CCSER1: variants seen among roughly 807,000 people sequenced by gnomAD.
The protein encoded by CCSER1 is coiled-coil serine rich protein 1.
In CCSER1, 41 loss-of-function variants were observed where a neutral mutation model predicts 82.0. The observed-to-expected ratio is 0.50, with a 90% CI of 0.39 to 0.65. The LOEUF (loss-of-function observed/expected upper bound fraction) is 0.65. Ranked by LOEUF, CCSER1 falls within the 30% of genes least tolerant of loss-of-function variation. The probability of loss-of-function intolerance (pLI) is 0.00; values close to 1 mark genes in which losing one functional copy is unlikely to be tolerated. For missense variants in CCSER1, 1,119 were observed against 1,064.2 expected (o/e 1.05, Z -0.72); for synonymous variants, 414 against 383.9 (o/e 1.08, Z -0.92).
intron 9 of CCSER1, among the ~76,000 whole-genome samples, chr4:91,016,103 A>G (rs890874500): frequency 1.3e-5 from 2 of 152,038 alleles, no homozygotes; most frequent in African/African-American, 2.4e-5. Flanking sequence ...AACACTAGGA[A>G]ATGTTTATAA....
At chr4:90,437,276 C>CGT (rs1340252791) in intron 4 of CCSER1, among the ~76,000 whole-genome samples, 5 of 147,894 alleles carry the variant, frequency 3.4e-5, no homozygotes, top group African/African-American at 1.3e-4. Context: ...CACATGCGCG[C>CGT]GCACACACAC....
chr4:91,216,905 G>A (rs936704521), intron 10 of CCSER1, among the ~76,000 whole-genome samples: 2 of 152,148 alleles, frequency 1.3e-5, no homozygotes, highest in Admixed American at 6.5e-5. Flanking sequence ...GAAAGGGAGG[G>A]AGAAGGAAAT....
chr4:91,430,947 G>T (rs949580917), intron 10 of CCSER1, among the ~76,000 whole-genome samples: 1 of 152,110 alleles, frequency 6.6e-6, no homozygotes, highest in Non-Finnish European at 1.5e-5. Flanking sequence ...TAAAAATTTG[G>T]CTAGCTTGGC....
intron 10 of CCSER1, among the ~76,000 whole-genome samples, chr4:91,244,656 C>A (rs1272645735): frequency 1.3e-5 from 2 of 152,160 alleles, no homozygotes; most frequent in Non-Finnish European, 2.9e-5. Flanking sequence ...TCCTGGAAAG[C>A]CTTCCCAAGG....
chr4:91,572,921 G>A (rs1020473912), intron 10 of CCSER1, among the ~76,000 whole-genome samples: 15 of 152,132 alleles, frequency 9.9e-5, no homozygotes, highest in African/African-American at 3.6e-4. Flanking sequence ...CTAGAGGCTG[G>A]ATCAGCTAAG....
chr4:91,569,761 G>A (rs1039243775), intron 10 of CCSER1, among the ~76,000 whole-genome samples: 5 of 152,086 alleles, frequency 3.3e-5, no homozygotes, highest in African/African-American at 9.7e-5. Context: ...ATGAGATGTT[G>A]GCTGGAACAC....
At chr4:91,169,642 G>T (rs1732546168) in intron 10 of CCSER1, among the ~76,000 whole-genome samples, 1 of 151,824 alleles carries the variant, frequency 6.6e-6, no homozygotes, top group South Asian at 2.1e-4. Context: ...AAGTAAACTT[G>T]TATTTAAATA....
intron 10 of CCSER1, among the ~76,000 whole-genome samples, chr4:91,421,430 G>T (rs1313919108): frequency 6.6e-6 from 1 of 152,166 alleles, no homozygotes; most frequent in Non-Finnish European, 1.5e-5. Flanking sequence ...GCCAGAGTAT[G>T]TGTAACTCTG....
chr4:90,547,769 C>A (rs115888358), intron 5 of CCSER1, among the ~76,000 whole-genome samples: 1,764 of 152,144 alleles, frequency 0.012, 31 homozygotes, highest in African/African-American at 0.04. Context: ...GGATGACTTG[C>A]TAGACATAAG....
chr4:90,343,328 C>G (rs763651698), intron 3 of CCSER1, among the ~76,000 whole-genome samples: 3 of 152,144 alleles, frequency 2.0e-5, no homozygotes, highest in Non-Finnish European at 2.9e-5. Context: ...TATTTATCAC[C>G]TAGGTGATTG....
chr4:90,350,324 T>C (rs1420549349), intron 3 of CCSER1, among the ~76,000 whole-genome samples: 2 of 152,094 alleles, frequency 1.3e-5, no homozygotes, highest in African/African-American at 4.8e-5. Flanking sequence ...TTTGGAATCC[T>C]GGCAATGCTC....
intron 3 of CCSER1, among the ~76,000 whole-genome samples, chr4:90,356,067 TA>T (rs1299633428): frequency 1.3e-5 from 2 of 151,912 alleles, no homozygotes; most frequent in African/African-American, 4.8e-5. Flanking sequence ...TGTATCTTTA[TA>T]AAAGTATGTA....
At chr4:90,301,810 T>A (rs1263704127) in intron 1 of CCSER1, among the ~76,000 whole-genome samples, 1 of 152,018 alleles carries the variant, frequency 6.6e-6, no homozygotes, top group African/African-American at 2.4e-5. Context: ...TGCTAAGGGA[T>A]TAAAGGTAAC....
chr4:90,597,299 A>G (rs1406762440), intron 5 of CCSER1, among the ~76,000 whole-genome samples: 1 of 152,038 alleles, frequency 6.6e-6, no homozygotes. Context: ...ACTAATTGGT[A>G]TTATGAGTTC....
intron 1 of CCSER1, among the ~76,000 whole-genome samples, chr4:90,150,779 T>G (rs1726695100): frequency 1.3e-5 from 2 of 152,140 alleles, no homozygotes; most frequent in South Asian, 4.1e-4. Context: ...TTTGAAGCTG[T>G]GCACTGGGTT....
At chr4:91,024,122 T>G (rs1379661136) in intron 9 of CCSER1, among the ~76,000 whole-genome samples, 1 of 152,098 alleles carries the variant, frequency 6.6e-6, no homozygotes, top group Non-Finnish European at 1.5e-5. Context: ...TGATAACCCA[T>G]TAATCCATTC....
intron 1 of CCSER1, among the ~76,000 whole-genome samples, chr4:90,196,656 T>TACACACAC (rs34346681): frequency 0.051 from 7,264 of 143,814 alleles, 202 homozygotes; most frequent in African/African-American, 0.081. Flanking sequence ...CCTGCTCAGA[T>TACACACAC]ACACACACAC....
At chr4:91,423,422 C>T (rs927486386) in intron 10 of CCSER1, among the ~76,000 whole-genome samples, 1 of 151,160 alleles carries the variant, frequency 6.6e-6, no homozygotes, top group Non-Finnish European at 1.5e-5. Flanking sequence ...AAGTGTGAAA[C>T]TCCGTCTAAA....
At chr4:91,028,165 T>C (rs1335355026) in intron 9 of CCSER1, among the ~76,000 whole-genome samples, 1 of 152,050 alleles carries the variant, frequency 6.6e-6, no homozygotes, top group Admixed American at 6.6e-5. Context: ...TTTATGTACA[T>C]ATAAAAATAT....
Sources: allele counts gnomAD v4.1 joint callset (sites outside exome capture counted in the v4.1 genomes callset), GRCh38; gene constraint gnomAD v4.1.1; transcripts MANE v1.5; gene names NCBI Gene and HGNC (gene_info 2026-07-23, HGNC 2026-07-21).